CD2AP: variants seen among roughly 807,000 people sequenced by gnomAD.
CD2AP encodes the protein CD2-associated protein.
Under a neutral mutation model 85.1 loss-of-function variants are expected in CD2AP, and 46 were observed. The observed-to-expected ratio is 0.54, with a 90% CI of 0.43 to 0.69. The LOEUF (loss-of-function observed/expected upper bound fraction) is 0.69. Ranked by LOEUF, CD2AP falls within the 30% of genes least tolerant of loss-of-function variation. CD2AP has a pLI of 0.00. For missense variants in CD2AP, 769 were observed against 729.5 expected (o/e 1.05, Z -0.62); for synonymous variants, 255 against 252.9 (o/e 1.01, Z -0.08).
intron 2 of CD2AP, among the ~76,000 whole-genome samples, chr6:47,510,907 T>C (rs1028542382): frequency 6.6e-6 from 1 of 151,650 alleles, no homozygotes; most frequent in Non-Finnish European, 1.5e-5. Context: ...ACCCCATCTC[T>C]ACTAAAAATA....
At chr6:47,561,792 A>G (rs890314901) in intron 5 of CD2AP, among the ~76,000 whole-genome samples, 1 of 152,092 alleles carries the variant, frequency 6.6e-6, no homozygotes, top group African/African-American at 2.4e-5. Flanking sequence ...TTATTTATGT[A>G]TTTATTGAGA....
At chr6:47,599,742 A>G (rs1769070284) in intron 13 of CD2AP, among the ~76,000 whole-genome samples, 1 of 152,066 alleles carries the variant, frequency 6.6e-6, no homozygotes, top group Non-Finnish European at 1.5e-5. Context: ...GTACTACCCA[A>G]CGGAGATATG....
chr6:47,537,198 A>G (rs1767074667), intron 3 of CD2AP, among the ~76,000 whole-genome samples: 1 of 152,232 alleles, frequency 6.6e-6, no homozygotes, highest in Admixed American at 6.5e-5. Flanking sequence ...ACCTTTGGGT[A>G]GCAAATAGTA....
Position 47,557,247 on chromosome 6 carries a change from T to A in CD2AP, c.541+2481T>A, listed in dbSNP as rs1767723604. Among the ~76,000 whole-genome samples the A allele has an allele frequency of 2.0e-5, 3 of 151,932 alleles. No individual in the cohort carries two copies. In the South Asian group the frequency reaches 6.2e-4, roughly 31 times the overall value. On this transcript the variant is annotated intron_variant, in intron 5 of 17. Transcript: ENST00000359314. ...TTAGCTCTTTGTCAGATGGATAGATTGCAAAAATTTTCTCCCATTCTGTAG... is the reference window on the plus strand; with the variant it reads ...TTAGCTCTTTGTCAGATGGATAGATAGCAAAAATTTTCTCCCATTCTGTAG...
intron 16 of CD2AP, among the ~76,000 whole-genome samples, chr6:47,611,469 G>A (rs1454393139): frequency 6.6e-6 from 1 of 151,596 alleles, no homozygotes; most frequent in Non-Finnish European, 1.5e-5. Context: ...GAGTTCAGAG[G>A]TTTTCGCTTT....
At chr6:47,512,257 G>T (rs1474850518) in intron 2 of CD2AP, among the ~76,000 whole-genome samples, 2 of 152,074 alleles carry the variant, frequency 1.3e-5, no homozygotes, top group Admixed American at 6.5e-5. Flanking sequence ...CAGGAGAATC[G>T]CTTGAACGTG....
intron 4 of CD2AP, chr6:47,545,146 G>A (rs181518246): frequency 6.0e-4 from 106 of 176,840 alleles, no homozygotes; most frequent in African/African-American, 2.4e-3. Context: ...TTTAAAAATA[G>A]ATCATGGACA....
At chr6:47,508,369 C>T (rs1766230284) in intron 2 of CD2AP, among the ~76,000 whole-genome samples, 2 of 152,172 alleles carry the variant, frequency 1.3e-5, no homozygotes, top group South Asian at 4.1e-4. Context: ...TTCCTTGAAC[C>T]TCATGAGCCA....
intron 1 of CD2AP, among the ~76,000 whole-genome samples, chr6:47,491,161 G>A (rs561205888): frequency 6.6e-5 from 10 of 151,822 alleles, no homozygotes; most frequent in African/African-American, 1.4e-4. Context: ...TAAATATTTC[G>A]TTCTGGGAAT....
At chr6:47,495,691 A>G (rs1193151653) in intron 1 of CD2AP, among the ~76,000 whole-genome samples, 1 of 152,182 alleles carries the variant, frequency 6.6e-6, no homozygotes, top group East Asian at 1.9e-4. Flanking sequence ...AGGAAATTAA[A>G]TGATTTTCAG....
chr6:47,600,143 G>A (rs903100467), intron 13 of CD2AP, among the ~76,000 whole-genome samples: 1 of 151,768 alleles, frequency 6.6e-6, no homozygotes, highest in African/African-American at 2.4e-5. Flanking sequence ...CTTTTTCAAA[G>A]CACTTTCTCA....
chr6:47,562,868 A>G (rs763308138), intron 5 of CD2AP: 412 of 799,378 alleles, frequency 5.2e-4, no homozygotes, highest in Non-Finnish European at 8.4e-4. Context: ...GATGACAACA[A>G]GCAACTGTAG....
intron 1 of CD2AP, among the ~76,000 whole-genome samples, chr6:47,478,777 T>C (rs2113952377): frequency 6.6e-6 from 1 of 152,318 alleles, no homozygotes; most frequent in East Asian, 1.9e-4. Context: ...ACAGGAAAGC[T>C]TGAGTATTTG....
intron 9 of CD2AP, 116 bp from the exon 10 acceptor site, chr6:47,580,748 G>T: frequency 1.4e-6 from 1 of 735,934 alleles, no homozygotes. Context: ...ATTTTGTCAA[G>T]GATTGAATGA....
chr6:47,545,744 C>G (rs1265127706), intron 4 of CD2AP, among the ~76,000 whole-genome samples: 1 of 152,168 alleles, frequency 6.6e-6, no homozygotes, highest in Non-Finnish European at 1.5e-5. Flanking sequence ...TAGACTTGCT[C>G]TGTGGCAGAA....
At chr6:47,498,513 C>G (rs12664637) in intron 1 of CD2AP, among the ~76,000 whole-genome samples, 1 of 151,830 alleles carries the variant, frequency 6.6e-6, no homozygotes, top group African/African-American at 2.4e-5. Context: ...GTTAATTCCC[C>G]GTTTTTTTCT....
Position 47,538,866 on chromosome 6 carries a change from G to A in CD2AP, c.319+5111G>A, listed in dbSNP as rs540714838. Among the ~76,000 whole-genome samples the A allele has an allele frequency of 2.0e-5, 3 of 152,284 alleles. No individual in the cohort carries two copies. The East Asian group carries it at 5.8e-4, about 29-fold the overall frequency. On this transcript the variant is annotated intron_variant, in intron 3 of 17. Transcript: ENST00000359314. ...TGATGACTCACATTTAGAAATTAGAGATTTTCTGTTTTATTAGAAAAAGAA... is the reference window on the plus strand; with the variant it reads ...TGATGACTCACATTTAGAAATTAGAAATTTTCTGTTTTATTAGAAAAAGAA...
At chr6:47,593,652 T>G (rs969465554) in intron 11 of CD2AP, among the ~76,000 whole-genome samples, 53 of 152,006 alleles carry the variant, frequency 3.5e-4, no homozygotes, top group African/African-American at 1.2e-3. Context: ...GAAAGGAAAA[T>G]AAGTAATAAA....
chr6:47,517,532 T>C (rs985053699), intron 2 of CD2AP, among the ~76,000 whole-genome samples: 4 of 152,132 alleles, frequency 2.6e-5, no homozygotes, highest in African/African-American at 9.7e-5. Flanking sequence ...TCAGGTGATA[T>C]GCCTGCCTTG....
Sources: gnomAD v4.1 joint callset for allele counts (sites outside exome capture counted in the v4.1 genomes callset) on GRCh38, gnomAD v4.1.1 for gene constraint, MANE v1.5 for transcripts, NCBI Gene and HGNC (gene_info 2026-07-23, HGNC 2026-07-21) for gene names.